The following LHFPL3 variants were observed in gnomAD, a reference collection of about 807,000 sequenced individuals.
The protein encoded by LHFPL3 is LHFPL tetraspan subfamily member 3 protein.
LHFPL3 carries 5 observed loss-of-function variants against 19.3 expected under a neutral mutation model. The observed-to-expected ratio is 0.26, with a 90% CI of 0.14 to 0.54. The LOEUF (loss-of-function observed/expected upper bound fraction) is 0.54. Ranked by LOEUF, LHFPL3 falls within the 20% of genes least tolerant of loss-of-function variation. The pLI is 0.94. For synonymous variants in LHFPL3, 133 were observed against 126.2 expected (o/e 1.05, Z -0.36); for missense variants, 249 against 307.4 (o/e 0.81, Z 1.42).
rs541977812 is a variant in LHFPL3 at position 104,779,487 on chromosome 7, C to T, written c.682+42576C>T. Among the ~76,000 whole-genome samples the T allele has an allele frequency of 6.0e-4, 91 of 152,200 alleles. 1 individual carries two copies. Among genetic ancestry groups the T allele is most frequent in the African/African-American group, 2.0e-3 (85 of 41,552 alleles). On this transcript the variant is annotated intron_variant, in intron 2 of 2. Coordinates refer to ENST00000424859, the MANE Select transcript of LHFPL3 (RefSeq NM_199000.3). The stretch of plus-strand genomic sequence containing the variant: ...TTATTCCTTCCATGGGAGTCTGTGA[C>T]GCCCAGGATGCCTCTTGGTTAGATC...
chr7:104,669,284 C>G, intron 1 of LHFPL3: 1 of 1,613,952 alleles, frequency 6.2e-7, no homozygotes, highest in Non-Finnish European at 8.5e-7. Context: ...GTAGCTCCAG[C>G]TCAACCATCT....
At chr7:104,358,071 A>G (rs1164914171) in intron 1 of LHFPL3, among the ~76,000 whole-genome samples, 1 of 152,196 alleles carries the variant, frequency 6.6e-6, no homozygotes, top group Non-Finnish European at 1.5e-5. Flanking sequence ...TCAAAGACAC[A>G]AAAGGCCACA....
intron 2 of LHFPL3, among the ~76,000 whole-genome samples, chr7:104,801,887 A>G (rs1187947672): frequency 6.6e-6 from 1 of 151,972 alleles, no homozygotes; most frequent in Non-Finnish European, 1.5e-5. Flanking sequence ...TTGTTTTTTC[A>G]CTTTATGTTT....
chr7:104,511,669 A>G (rs1584370368), intron 1 of LHFPL3, among the ~76,000 whole-genome samples: 1 of 152,306 alleles, frequency 6.6e-6, no homozygotes, highest in East Asian at 1.9e-4. Flanking sequence ...ACATGCAGTG[A>G]CCTGGATGAA....
At chr7:104,675,945 G>T (rs1032524152) in intron 1 of LHFPL3, among the ~76,000 whole-genome samples, 1 of 152,214 alleles carries the variant, frequency 6.6e-6, no homozygotes, top group African/African-American at 2.4e-5. Context: ...ATAGACATCA[G>T]GAAGCCCTCA....
chr7:104,335,610 T>C (rs1039436427), intron 1 of LHFPL3, among the ~76,000 whole-genome samples: 2 of 152,160 alleles, frequency 1.3e-5, no homozygotes, highest in African/African-American at 4.8e-5. Context: ...TTTTTCTTGG[T>C]GCAAGGCTGC....
At chr7:104,537,239 G>A (rs888312654) in intron 1 of LHFPL3, among the ~76,000 whole-genome samples, 1 of 152,072 alleles carries the variant, frequency 6.6e-6, no homozygotes, top group Non-Finnish European at 1.5e-5. Context: ...TTGGAGATGT[G>A]GGGGAGAGTG....
At chr7:104,568,035 G>A (rs1381562405) in intron 1 of LHFPL3, among the ~76,000 whole-genome samples, 1 of 152,186 alleles carries the variant, frequency 6.6e-6, no homozygotes, top group Non-Finnish European at 1.5e-5. Flanking sequence ...AGGAGCTCAA[G>A]AGGATGAGTC....
chr7:104,861,346 T>C (rs994121755), intron 2 of LHFPL3, among the ~76,000 whole-genome samples: 9 of 152,344 alleles, frequency 5.9e-5, no homozygotes, highest in African/African-American at 4.8e-5. Flanking sequence ...TTTTTTCTCA[T>C]ATATAAAATG....
At chr7:104,374,221 TG>T (rs1790666421) in intron 1 of LHFPL3, among the ~76,000 whole-genome samples, 1 of 151,762 alleles carries the variant, frequency 6.6e-6, no homozygotes, top group Non-Finnish European at 1.5e-5. Flanking sequence ...TGTGTGTGTG[TG>T]TGTGTGTGTG....
chr7:104,424,269 C>A (rs901420239), intron 1 of LHFPL3, among the ~76,000 whole-genome samples: 1 of 152,204 alleles, frequency 6.6e-6, no homozygotes, highest in Non-Finnish European at 1.5e-5. Context: ...CAAGAAGCAT[C>A]AGAGCCCCAC....
intron 1 of LHFPL3, among the ~76,000 whole-genome samples, chr7:104,628,560 T>C (rs533677677): frequency 6.6e-6 from 1 of 152,314 alleles, no homozygotes; most frequent in South Asian, 2.1e-4. Context: ...AGTTTGAGTC[T>C]ATGTTGTTGG....
intron 1 of LHFPL3, among the ~76,000 whole-genome samples, chr7:104,477,422 T>TATCTGCTCCCATGCAGC (rs1472395931): frequency 6.6e-6 from 1 of 152,148 alleles, no homozygotes; most frequent in Admixed American, 6.5e-5. Flanking sequence ...TCCAATGTGG[T>TATCTGCTCCCATGCAGC]CTCTGCTCCC....
At chr7:104,490,797 G>T (rs763177071) in intron 1 of LHFPL3, among the ~76,000 whole-genome samples, 1 of 151,972 alleles carries the variant, frequency 6.6e-6, no homozygotes, top group African/African-American at 2.4e-5. Flanking sequence ...GAAAACTGAG[G>T]CTTCTCTATC....
chr7:104,678,501 TA>T (rs1372664196), intron 1 of LHFPL3, among the ~76,000 whole-genome samples: 2 of 152,210 alleles, frequency 1.3e-5, no homozygotes, highest in African/African-American at 4.8e-5. Context: ...TTTTAAAAGC[TA>T]TTTTTTTTCC....
intron 2 of LHFPL3, among the ~76,000 whole-genome samples, chr7:104,834,012 C>G (rs887202869): frequency 8.1e-5 from 12 of 149,038 alleles, no homozygotes; most frequent in African/African-American, 3.0e-4. Flanking sequence ...AATTTAGAGT[C>G]CGATGTTTGA....
chr7:104,464,732 C>A (rs1311686755), intron 1 of LHFPL3, among the ~76,000 whole-genome samples: 3 of 152,206 alleles, frequency 2.0e-5, no homozygotes, highest in African/African-American at 7.2e-5. Context: ...CTGCACTGAG[C>A]AGCAGGGAGG....
intron 1 of LHFPL3, among the ~76,000 whole-genome samples, chr7:104,639,099 G>A (rs1414893313): frequency 2.6e-5 from 4 of 152,010 alleles, no homozygotes; most frequent in African/African-American, 9.6e-5. Flanking sequence ...TGGTTTGCAG[G>A]AATTTTTTTG....
At chr7:104,797,956 AAACT>A (rs34627510) in intron 2 of LHFPL3, among the ~76,000 whole-genome samples, 25,664 of 151,784 alleles carry the variant, frequency 0.17, 2,474 homozygotes, top group East Asian at 0.45. Context: ...CAACAACAAC[AAACT>A]ATCAATAACG....
Sources: allele counts gnomAD v4.1 joint callset (sites outside exome capture counted in the v4.1 genomes callset), GRCh38; gene constraint gnomAD v4.1.1; transcripts MANE v1.5; gene names NCBI Gene and HGNC (gene_info 2026-07-23, HGNC 2026-07-21).